Variants in NCALD observed in about 807,000 individuals in gnomAD.
NCALD encodes neurocalcin delta.
Under a neutral mutation model 18.6 loss-of-function variants are expected in NCALD, and 10 were observed. The ratio of observed to expected loss-of-function variants is 0.54; its 90% CI spans 0.33 to 0.91. The LOEUF is 0.91. NCALD is among the 40% of genes least tolerant of loss of function. The probability of loss-of-function intolerance (pLI) is 0.03; values close to 1 mark genes in which losing one functional copy is unlikely to be tolerated. For synonymous variants in NCALD, 88 were observed against 87.4 expected (o/e 1.01, Z -0.04); for missense variants, 184 against 247.6 (o/e 0.74, Z 1.72).
chr8:101,986,967 T>C (rs1820836570), intron 2 of NCALD, among the ~76,000 whole-genome samples: 1 of 151,936 alleles, frequency 6.6e-6, no homozygotes, highest in Non-Finnish European at 1.5e-5. Context: ...ATGCTGGGGG[T>C]CCCCGGAATC....
At chr8:101,911,079 A>G (rs1250403002) in intron 3 of NCALD, among the ~76,000 whole-genome samples, 1 of 152,162 alleles carries the variant, frequency 6.6e-6, no homozygotes, top group East Asian at 1.9e-4. Context: ...CCCAAGGAGG[A>G]AAGAAGGAAG....
intron 2 of NCALD, among the ~76,000 whole-genome samples, chr8:102,017,205 GAA>G (rs1255982467): frequency 1.3e-5 from 2 of 151,994 alleles, no homozygotes; most frequent in Admixed American, 6.6e-5. Flanking sequence ...ATTAAAATGG[GAA>G]AAGAGTAGCT....
chr8:101,791,663 T>C (rs76010398), upstream of NCALD, among the ~76,000 whole-genome samples: 1,023 of 152,146 alleles, frequency 6.7e-3, 30 homozygotes, highest in Admixed American at 0.05. Flanking sequence ...TACTGTAAAA[T>C]GTCTAGGTAA....
intron 2 of NCALD, among the ~76,000 whole-genome samples, chr8:101,987,184 C>A (rs898739621): frequency 6.6e-6 from 1 of 152,206 alleles, no homozygotes; most frequent in African/African-American, 2.4e-5. Flanking sequence ...CCTATTCCAA[C>A]ATTCTTTCCA....
chr8:102,064,527 T>C (rs1823942906), intron 1 of NCALD, among the ~76,000 whole-genome samples: 1 of 152,216 alleles, frequency 6.6e-6, no homozygotes, highest in Non-Finnish European at 1.5e-5. Flanking sequence ...CTTTCGTTCT[T>C]TGTATGAACA....
chr8:101,956,334 T>G (rs950816778), intron 2 of NCALD, among the ~76,000 whole-genome samples: 1 of 152,112 alleles, frequency 6.6e-6, no homozygotes, highest in African/African-American at 2.4e-5. Context: ...AATGACTATG[T>G]TTAAATGAAT....
chr8:101,705,235 A>G (rs578058448), intron 2 of NCALD, among the ~76,000 whole-genome samples: 24 of 152,062 alleles, frequency 1.6e-4, no homozygotes, highest in African/African-American at 4.1e-4. Flanking sequence ...AAATAAATAA[A>G]TAAATAAATA....
chr8:101,878,975 C>G (rs986792915), intron 4 of NCALD, among the ~76,000 whole-genome samples: 12 of 152,200 alleles, frequency 7.9e-5, no homozygotes, highest in African/African-American at 2.7e-4. Flanking sequence ...AAAATGTGGT[C>G]TACGGATCAG....
Position 101,688,895 on chromosome 8 carries a change from G to T in NCALD, c.*414C>A. Reference sequence around the variant, plus strand: ...GTGCCATCCATCACCCCTACGGCACGTGTGACAACAGATTCAGGTGGGGAG... The same window carrying T: ...GTGCCATCCATCACCCCTACGGCACTTGTGACAACAGATTCAGGTGGGGAG... On this transcript the variant is annotated 3_prime_UTR_variant, in exon 4 of 4. Coordinates refer to ENST00000220931, the MANE Select transcript of NCALD (RefSeq NM_032041.3). 1 of 625,304 alleles carries T rather than the reference G, an allele frequency of 1.6e-6. No individual in the cohort carries two copies. Among genetic ancestry groups the T allele is most frequent in the Middle Eastern group, 4.1e-4 (1 of 2,432 alleles). The allele number at this position is 625,304 out of a possible 1,614,324, so 38.7% of individuals were successfully genotyped here.
chr8:102,118,841 C>A (rs1185359697), intron 1 of NCALD, among the ~76,000 whole-genome samples: 1 of 152,190 alleles, frequency 6.6e-6, no homozygotes, highest in Non-Finnish European at 1.5e-5. Context: ...TTAAACTCTA[C>A]CACTATTTCT....
chr8:101,847,190 A>G (rs750179264), intron 4 of NCALD: 1 of 165,080 alleles, frequency 6.1e-6, no homozygotes, highest in Non-Finnish European at 1.4e-5. Context: ...TCTTTCACCA[A>G]CAAATTTTCC....
intron 4 of NCALD, among the ~76,000 whole-genome samples, chr8:101,883,715 G>T (rs1429141220): frequency 2.0e-5 from 3 of 152,156 alleles, no homozygotes; most frequent in Non-Finnish European, 2.9e-5. Flanking sequence ...ATACAATTTA[G>T]ATTTGAAATC....
At chr8:101,892,164 C>G (rs1367640923) in intron 3 of NCALD, among the ~76,000 whole-genome samples, 1 of 150,306 alleles carries the variant, frequency 6.7e-6, no homozygotes, top group Non-Finnish European at 1.5e-5. Flanking sequence ...AGCTGGAGAT[C>G]TGAGAACCGG....
chr8:101,892,277 T>C (rs1004421485), intron 3 of NCALD, among the ~76,000 whole-genome samples: 2 of 145,810 alleles, frequency 1.4e-5, no homozygotes, highest in African/African-American at 5.4e-5. Context: ...CGGCAGGGTA[T>C]TCCAACAGAC....
chr8:101,946,398 C>T (rs1819173882), intron 2 of NCALD, among the ~76,000 whole-genome samples: 1 of 151,970 alleles, frequency 6.6e-6, no homozygotes, highest in South Asian at 2.1e-4. Context: ...CAAATTATAG[C>T]CAGTGTCACA....
At chr8:101,851,378 TAA>T in intron 4 of NCALD, among the ~76,000 whole-genome samples, 1 of 146,660 alleles carries the variant, frequency 6.8e-6, no homozygotes, top group South Asian at 2.2e-4. Flanking sequence ...CTCATTAAAC[TAA>T]AAAAAAAAAT....
At chr8:102,108,136 C>G (rs945105125) in intron 1 of NCALD, among the ~76,000 whole-genome samples, 1 of 152,342 alleles carries the variant, frequency 6.6e-6, no homozygotes, top group South Asian at 2.1e-4. Flanking sequence ...TCCCCCGCCT[C>G]AGCTGGGGAC....
intron 2 of NCALD, among the ~76,000 whole-genome samples, chr8:101,714,099 T>C (rs1352692828): frequency 6.6e-6 from 1 of 152,210 alleles, no homozygotes; most frequent in Non-Finnish European, 1.5e-5. Context: ...GGATGCCCTC[T>C]CTCACCATTC....
intron 1 of NCALD, among the ~76,000 whole-genome samples, chr8:102,054,641 T>C (rs1586988106): frequency 6.6e-6 from 1 of 151,332 alleles, no homozygotes; most frequent in Non-Finnish European, 1.5e-5. Context: ...CCATCTGATA[T>C]GTCTCTCTCT....
Sources: gnomAD v4.1 joint callset for allele counts (sites outside exome capture counted in the v4.1 genomes callset) on GRCh38, gnomAD v4.1.1 for gene constraint, MANE v1.5 for transcripts, NCBI Gene and HGNC (gene_info 2026-07-23, HGNC 2026-07-21) for gene names.